Variants in LINGO2 observed in about 807,000 individuals in gnomAD.
LINGO2 encodes the protein leucine rich repeat and Ig domain containing 2.
LINGO2 carries 14 observed loss-of-function variants against 30.6 expected under a neutral mutation model. The observed-to-expected ratio is 0.46, with a 90% CI of 0.30 to 0.72. LINGO2 has a LOEUF of 0.72. Ranked by LOEUF, LINGO2 falls within the 30% of genes least tolerant of loss-of-function variation. The pLI is 0.07. For synonymous variants in LINGO2, 317 were observed against 288.5 expected, an observed-to-expected ratio of 1.10 and a Z score of -1.00; for missense variants, 729 against 751.7, an observed-to-expected ratio of 0.97 and a Z score of 0.35.
At chr9:28,887,074 T>A in the LINGO2 span, among the ~76,000 whole-genome samples, 36 of 152,056 alleles carry the variant, frequency 2.4e-4, 1 homozygote, top group East Asian at 7.0e-3. Flanking sequence ...TTCCAACGAG[T>A]GAGGCAGGAC....
intron 4 of LINGO2, among the ~76,000 whole-genome samples, chr9:28,017,883 A>T (rs992534678): frequency 1.2e-4 from 19 of 152,224 alleles, no homozygotes; most frequent in African/African-American, 4.6e-4. Context: ...AACAAAAAAC[A>T]GCTCAAATAG....
the LINGO2 span, among the ~76,000 whole-genome samples, chr9:29,060,142 G>A: frequency 2.0e-5 from 3 of 152,012 alleles, no homozygotes; most frequent in South Asian, 6.2e-4. Context: ...CTGTTCAGCA[G>A]CAGGGGCCAT....
At chr9:28,585,653 G>A (rs1824497295) in intron 1 of LINGO2, among the ~76,000 whole-genome samples, 2 of 152,000 alleles carry the variant, frequency 1.3e-5, no homozygotes, top group African/African-American at 4.8e-5. Flanking sequence ...CCACAAGTTA[G>A]CTGTATTAAA....
the LINGO2 span, among the ~76,000 whole-genome samples, chr9:29,060,217 T>C: frequency 6.6e-6 from 1 of 152,016 alleles, no homozygotes; most frequent in Non-Finnish European, 1.5e-5. Flanking sequence ...CTCATATTTC[T>C]GGCAAAGGAT....
At chr9:28,401,909 T>C (rs182798778) in intron 2 of LINGO2, among the ~76,000 whole-genome samples, 1 of 152,230 alleles carries the variant, frequency 6.6e-6, no homozygotes, top group Non-Finnish European at 1.5e-5. Context: ...TTTTTTCATA[T>C]ATCTGTTGGC....
chr9:29,124,737 C>T, the LINGO2 span, among the ~76,000 whole-genome samples: 10 of 151,892 alleles, frequency 6.6e-5, no homozygotes, highest in South Asian at 6.2e-4. Context: ...GTTAGAATGG[C>T]GATCATTAAA....
intron 3 of LINGO2, among the ~76,000 whole-genome samples, chr9:28,314,407 A>C (rs1355380324): frequency 2.0e-5 from 3 of 152,180 alleles, no homozygotes; most frequent in Non-Finnish European, 4.4e-5. Context: ...AGTAAATTTT[A>C]GAGGAGAAAA....
chr9:28,321,973 G>T (rs532419435), intron 3 of LINGO2, among the ~76,000 whole-genome samples: 1 of 152,192 alleles, frequency 6.6e-6, no homozygotes, highest in East Asian at 1.9e-4. Flanking sequence ...CCATCAATGA[G>T]ATCCATTTTG....
In LINGO2 at chr9:28,606,430, T is replaced by C. The variant is rs995402113; in HGVS notation, c.-365+63770A>G. On this transcript the variant is annotated intron_variant, in intron 1 of 5. Transcript: ENST00000379992. Reference sequence around the variant, plus strand: ...ATAAATGACTTTACTGGAGAGACTTTACTGGTGAGGAAAGTAATATAGATA... The same window carrying C: ...ATAAATGACTTTACTGGAGAGACTTCACTGGTGAGGAAAGTAATATAGATA... 4.6e-5 allele frequency among the ~76,000 whole-genome samples: 7 copies of C among 152,024 alleles called. 1 individual carries two copies. The South Asian group carries it at 1.4e-3, about 31-fold the overall frequency.
chr9:28,131,074 TA>T, intron 4 of LINGO2, among the ~76,000 whole-genome samples: 1 of 152,094 alleles, frequency 6.6e-6, no homozygotes, highest in East Asian at 1.9e-4. Flanking sequence ...GAAGGTTTTT[TA>T]AAAATAAGTT....
rs900125065 is a variant in LINGO2 at position 28,067,937 on chromosome 9, T to A, written c.-86-55532A>T. On this transcript the variant is annotated intron_variant, in intron 4 of 5. Transcript: ENST00000379992. Reference sequence around the variant, plus strand: ...ATAAGCACCCACTGAGACCTCAGTCTGTTAATACAGTTAAATTCCTTGTAT... The same window carrying A: ...ATAAGCACCCACTGAGACCTCAGTCAGTTAATACAGTTAAATTCCTTGTAT... Among the ~76,000 whole-genome samples, 4 of 152,130 alleles carry A rather than the reference T, an allele frequency of 2.6e-5. No homozygotes were observed. The South Asian group carries it at 8.3e-4, about 32-fold the overall frequency.
chr9:28,583,761 A>G (rs957384274), intron 1 of LINGO2, among the ~76,000 whole-genome samples: 34 of 152,210 alleles, frequency 2.2e-4, no homozygotes, highest in African/African-American at 7.9e-4. Context: ...TAATGCTGCT[A>G]AAACAGTAGT....
chr9:28,727,621 T>G, the LINGO2 span, among the ~76,000 whole-genome samples: 1 of 152,126 alleles, frequency 6.6e-6, no homozygotes, highest in Non-Finnish European at 1.5e-5. Flanking sequence ...TCACCACTGG[T>G]CTTTCATCCG....
the LINGO2 span, among the ~76,000 whole-genome samples, chr9:28,843,121 G>A: frequency 6.6e-6 from 1 of 151,744 alleles, no homozygotes; most frequent in Non-Finnish European, 1.5e-5. Context: ...GAAGTCCTAT[G>A]AATATCTTTA....
At chr9:28,875,339 A>G in the LINGO2 span, among the ~76,000 whole-genome samples, 8 of 152,074 alleles carry the variant, frequency 5.3e-5, no homozygotes, top group Non-Finnish European at 1.2e-4. Context: ...ACACAAAATT[A>G]TACATATTTT....
intron 1 of LINGO2, among the ~76,000 whole-genome samples, chr9:28,595,665 T>G (rs1825138714): frequency 1.3e-5 from 2 of 152,122 alleles, no homozygotes; most frequent in African/African-American, 4.8e-5. Context: ...TAATACTTAA[T>G]GTAATAGAAA....
intron 1 of LINGO2, among the ~76,000 whole-genome samples, chr9:28,638,238 T>C (rs747784300): frequency 3.9e-5 from 6 of 152,198 alleles, no homozygotes; most frequent in African/African-American, 7.2e-5. Flanking sequence ...TAATTGAGGA[T>C]TTCTGCATCG....
chr9:28,898,868 T>C, the LINGO2 span, among the ~76,000 whole-genome samples: 1 of 152,114 alleles, frequency 6.6e-6, no homozygotes, highest in African/African-American at 2.4e-5. Flanking sequence ...CAAACCCCCA[T>C]GACATGAGTT....
chr9:29,020,305 G>A, the LINGO2 span, among the ~76,000 whole-genome samples: 1 of 152,126 alleles, frequency 6.6e-6, no homozygotes, highest in Non-Finnish European at 1.5e-5. Flanking sequence ...ATACCACATA[G>A]TACTGTTATA....
Sources: gnomAD v4.1 joint callset for allele counts (sites outside exome capture counted in the v4.1 genomes callset) on GRCh38, gnomAD v4.1.1 for gene constraint, MANE v1.5 for transcripts, NCBI Gene and HGNC (gene_info 2026-07-23, HGNC 2026-07-21) for gene names.